The following SYDE2 variants were observed in gnomAD, a reference collection of about 807,000 sequenced individuals.
SYDE2 encodes the protein rho GTPase-activating protein SYDE2.
In SYDE2, 76 loss-of-function variants were observed where a neutral mutation model predicts 91.5. The ratio of observed to expected loss-of-function variants is 0.83; its 90% CI spans 0.69 to 1.01. The LOEUF (loss-of-function observed/expected upper bound fraction) is 1.01, where lower values mean the gene tolerates loss of function less well. Among genes scored for constraint, SYDE2 ranks in the 50% least tolerant of loss-of-function variants. The probability of loss-of-function intolerance (pLI) is 0.00; values close to 1 mark genes in which losing one functional copy is unlikely to be tolerated. For synonymous variants in SYDE2, 513 were observed against 506.4 expected, an observed-to-expected ratio of 1.01 and a Z score of -0.18; for missense variants, 1,364 against 1,367.7, an observed-to-expected ratio of 1.00 and a Z score of 0.04.
At chr1:85,159,852 T>C (rs1371350671) in intron 6 of SYDE2, 2 of 982,728 alleles carry the variant, frequency 2.0e-6, no homozygotes, top group Non-Finnish European at 1.2e-6. Flanking sequence ...CATTATCTAC[T>C]ATCTTCATTT....
intron 4 of SYDE2, 126 bp downstream of exon 4, chr1:85,178,020 T>C (rs1467161400): frequency 8.5e-6 from 7 of 824,170 alleles, no homozygotes; most frequent in Admixed American, 2.8e-5. Context: ...TAAGTAATGT[T>C]TGTGAAGGAA....
intron 5 of SYDE2, among the ~76,000 whole-genome samples, chr1:85,168,817 AT>A (rs1347797159): frequency 1.3e-5 from 2 of 152,220 alleles, no homozygotes; most frequent in African/African-American, 2.4e-5. Flanking sequence ...TTCAGTGAGT[AT>A]TCATGCTTGG....
intron 6 of SYDE2, chr1:85,160,528 G>GATTTAGATCTAACATTTAATTTAGATTTA: frequency 1.0e-6 from 1 of 973,872 alleles, no homozygotes; most frequent in Non-Finnish European, 1.2e-6. Flanking sequence ...TTTAATGTTA[G>GATTTAGATCTAACATTTAATTTAGATTTA]TATTAATATA....
intron 2 of SYDE2, among the ~76,000 whole-genome samples, chr1:85,188,095 A>G (rs976648830): frequency 1.3e-5 from 2 of 152,108 alleles, no homozygotes; most frequent in Non-Finnish European, 2.9e-5. Flanking sequence ...CCAACTTTCT[A>G]TCTTTGCTCT....
At chr1:85,180,515 C>T (rs1657872719) in intron 3 of SYDE2, among the ~76,000 whole-genome samples, 1 of 151,924 alleles carries the variant, frequency 6.6e-6, no homozygotes, top group African/African-American at 2.4e-5. Context: ...CATGGTGAAA[C>T]CCTGTCTCTA....
intron 4 of SYDE2, among the ~76,000 whole-genome samples, chr1:85,173,005 A>G (rs553042838): frequency 1.6e-4 from 24 of 152,310 alleles, no homozygotes; most frequent in African/African-American, 4.6e-4. Flanking sequence ...GGAAAACTTC[A>G]TAATTCATGG....
At chr1:85,179,507 GA>G (rs1657830264) in intron 3 of SYDE2, among the ~76,000 whole-genome samples, 1 of 152,174 alleles carries the variant, frequency 6.6e-6, no homozygotes, top group African/African-American at 2.4e-5. Context: ...CTATTTCCAA[GA>G]GGTGATAATG....
chr1:85,193,484 T>C (rs1354812697), intron 1 of SYDE2, among the ~76,000 whole-genome samples: 1 of 152,226 alleles, frequency 6.6e-6, no homozygotes, highest in African/African-American at 2.4e-5. Context: ...TTTTCTGACA[T>C]ACACTATAAA....
At chr1:85,163,461 A>ATATATC (rs980130541) in intron 6 of SYDE2, among the ~76,000 whole-genome samples, 1 of 139,566 alleles carries the variant, frequency 7.2e-6, no homozygotes, top group Non-Finnish European at 1.6e-5. Context: ...ATATATATAT[A>ATATATC]TATATATATA....
chr1:85,168,587 G>A (rs1442400393), intron 5 of SYDE2, among the ~76,000 whole-genome samples: 1 of 152,174 alleles, frequency 6.6e-6, no homozygotes, highest in African/African-American at 2.4e-5. Flanking sequence ...AGGAAAAAAC[G>A]AGGGGAGGGG....
intron 3 of SYDE2, 103 bp from the exon 4 acceptor site, chr1:85,178,375 ATTTAAT>A: frequency 9.5e-7 from 1 of 1,055,688 alleles, no homozygotes. Flanking sequence ...TTCTGATGTC[ATTTAAT>A]TTTAAATACC....
downstream of SYDE2, among the ~76,000 whole-genome samples, chr1:85,154,997 G>T (rs1236051265): frequency 1.6e-4 from 3 of 19,112 alleles, no homozygotes; most frequent in African/African-American, 6.4e-4. Context: ...ACAAATTCAA[G>T]AAAGAATGCA....
Position 85,200,448 on chromosome 1 carries a change from C to A in SYDE2, c.549G>T (p.Pro183=), listed in dbSNP as rs753822579. ...GCAGCTTCTTGACTGTCACTGCCGG[C>A]GGCCTGAGGAAGGAGGGGCCTTCCT... ...DRQEGPSFLR[P]PAVTVKKLQK... Residue 183 remains proline (P), a synonymous_variant, in exon 1 of 7, where the codon CCG becomes CCT. Coordinates refer to ENST00000341460, the MANE Select transcript of SYDE2 (RefSeq NM_032184.2). The A allele has an allele frequency of 1.2e-5, 20 of 1,614,004 alleles. No homozygotes were observed. In the South Asian group the frequency reaches 2.2e-4, roughly 18 times the overall value.
In SYDE2 at chr1:85,182,165, T is replaced by C. The variant is rs1258289876; in HGVS notation, c.2477A>G (p.Asn826Ser). The C allele has an allele frequency of 6.2e-7, 1 of 1,605,396 alleles. No individual in the cohort carries two copies. The highest frequency in any genetic ancestry group is 8.5e-7 in the Non-Finnish European group (1 of 1,175,524). Residue 826 changes from asparagine (N) to serine (S), a missense_variant, in exon 3 of 7, where the codon AAT becomes AGT. Physicochemically the swap from Asn to Ser is conservative, Grantham distance 46 (BLOSUM62 1). Transcript: ENST00000341460. ...CAGAAGGGGCACCATCAGTCCTATA[T>C]TTTCTTTCTCTACAACTTTTTGAAT... ...VDIQKVVEKE[N>S]IGLMVPLLIQ... is the part of the protein sequence containing the mutation.
rs191358140 is a variant in SYDE2 at position 85,157,950 on chromosome 1, A to C, written c.*800T>G. The C allele has an allele frequency of 6.6e-6, 1 of 152,302 alleles. No homozygotes were observed. The highest frequency in any genetic ancestry group is 2.4e-5 in the African/African-American group (1 of 41,564). The allele number at this position is 152,302 out of a possible 1,614,324, so 9.4% of individuals were successfully genotyped here. On this transcript the variant is annotated 3_prime_UTR_variant, in exon 7 of 7. Coordinates refer to ENST00000341460, the MANE Select transcript of SYDE2 (RefSeq NM_032184.2). ...ATACAGAAAACATTAATACTTGTAT[A>C]ATTTCACTTTTATTTATAAAAAGAT...
At chr1:85,163,445 C>CTATATATATATATATATATA (rs55977750) in intron 6 of SYDE2, among the ~76,000 whole-genome samples, 24 of 87,624 alleles carry the variant, frequency 2.7e-4, no homozygotes, top group Non-Finnish European at 3.8e-4. Context: ...GTACTTTAAT[C>CTATATATATATATATATATA]TATATATATA....
chr1:85,193,785 G>T (rs1030589151), intron 1 of SYDE2, among the ~76,000 whole-genome samples: 1 of 151,978 alleles, frequency 6.6e-6, no homozygotes, highest in African/African-American at 2.4e-5. Flanking sequence ...CACCACACCT[G>T]GCTAATTTCT....
intron 3 of SYDE2, among the ~76,000 whole-genome samples, chr1:85,179,168 T>C (rs765755556): frequency 6.6e-6 from 1 of 152,138 alleles, no homozygotes; most frequent in Non-Finnish European, 1.5e-5. Context: ...TCTAAGACTA[T>C]TTAGAAAGCT....
chr1:85,195,069 A>C (rs150378245), intron 1 of SYDE2, among the ~76,000 whole-genome samples: 10,767 of 152,078 alleles, frequency 0.071, 609 homozygotes, highest in East Asian at 0.28. Flanking sequence ...CTGAGGCAGG[A>C]GAATGGCGTG....
Sources: gnomAD v4.1 joint callset for allele counts (sites outside exome capture counted in the v4.1 genomes callset) on GRCh38, gnomAD v4.1.1 for gene constraint, MANE v1.5 for transcripts, NCBI Gene and HGNC (gene_info 2026-07-23, HGNC 2026-07-21) for gene names.